GABRB1: variants seen among roughly 807,000 people sequenced by gnomAD.
GABRB1 encodes the protein gamma-aminobutyric acid type A receptor subunit beta1.
Under a neutral mutation model 51.6 loss-of-function variants are expected in GABRB1, and 17 were observed. The ratio of observed to expected loss-of-function variants is 0.33; its 90% confidence interval spans 0.23 to 0.49. The LOEUF is 0.49. GABRB1 is among the 20% of genes least tolerant of loss of function. The pLI is 0.99. For missense variants in GABRB1, 410 were observed against 600.6 expected, an observed-to-expected ratio of 0.68 and a Z score of 3.32; for synonymous variants, 247 against 218.9, an observed-to-expected ratio of 1.13 and a Z score of -1.14.
intron 3 of GABRB1, among the ~76,000 whole-genome samples, chr4:47,078,443 A>G (rs2109561011): frequency 6.6e-6 from 1 of 152,190 alleles, no homozygotes; most frequent in South Asian, 2.1e-4. Flanking sequence ...ATAACTTTTC[A>G]CCATTTTTAT....
At chr4:47,309,407 T>A (rs1462313413) in intron 4 of GABRB1, among the ~76,000 whole-genome samples, 1 of 152,202 alleles carries the variant, frequency 6.6e-6, no homozygotes, top group African/African-American at 2.4e-5. Context: ...GCTAATTAGC[T>A]GAAAATGACT....
intron 4 of GABRB1, among the ~76,000 whole-genome samples, chr4:47,283,510 C>T (rs1162333233): frequency 1.3e-5 from 2 of 150,196 alleles, no homozygotes; most frequent in African/African-American, 4.9e-5. Context: ...CTCAGCCTCC[C>T]GAGTAGCTGG....
intron 3 of GABRB1, among the ~76,000 whole-genome samples, chr4:47,140,535 G>T (rs986722104): frequency 6.6e-6 from 1 of 151,866 alleles, no homozygotes; most frequent in Non-Finnish European, 1.5e-5. Context: ...GATCACATTT[G>T]CCAGGTATGA....
intron 4 of GABRB1, among the ~76,000 whole-genome samples, chr4:47,185,604 T>A (rs966352748): frequency 5.3e-5 from 8 of 151,840 alleles, no homozygotes; most frequent in African/African-American, 1.9e-4. Flanking sequence ...AGCGATGGAA[T>A]CATTCAAAAC....
chr4:47,220,537 C>T (rs1010478084), intron 4 of GABRB1, among the ~76,000 whole-genome samples: 2 of 151,946 alleles, frequency 1.3e-5, no homozygotes, highest in East Asian at 1.9e-4. Context: ...TTTCTAATGC[C>T]TATCTTTTCT....
intron 4 of GABRB1, among the ~76,000 whole-genome samples, chr4:47,194,534 A>G (rs1719570464): frequency 6.6e-6 from 1 of 152,210 alleles, no homozygotes; most frequent in Admixed American, 6.5e-5. Flanking sequence ...ACTGAATTCT[A>G]ATAAAACCAT....
At chr4:47,299,790 C>G (rs1423322501) in intron 4 of GABRB1, among the ~76,000 whole-genome samples, 1 of 152,000 alleles carries the variant, frequency 6.6e-6, no homozygotes, top group Non-Finnish European at 1.5e-5. Flanking sequence ...CACATGCACA[C>G]GTATGTTTAT....
chr4:47,291,570 C>G (rs929034586), intron 4 of GABRB1, among the ~76,000 whole-genome samples: 2 of 152,194 alleles, frequency 1.3e-5, no homozygotes, highest in African/African-American at 4.8e-5. Context: ...CACTCAATGC[C>G]AGCCCATGAA....
intron 4 of GABRB1, among the ~76,000 whole-genome samples, chr4:47,232,998 C>T (rs562980460): frequency 6.6e-6 from 1 of 152,046 alleles, no homozygotes; most frequent in Non-Finnish European, 1.5e-5. Flanking sequence ...CCTCAGCCTC[C>T]GGAGTAGCTG....
rs144405207 is a variant in GABRB1, at chr4:47,148,932, G to A, written c.241-12317G>A. Among the ~76,000 whole-genome samples, 62 of 152,090 alleles carry A rather than the reference G, an allele frequency of 4.1e-4. 1 individual carries two copies. The highest frequency in any genetic ancestry group is 1.5e-3 in the African/African-American group (62 of 41,514). Reference sequence around the variant, plus strand: ...GCAACAGATAAAAGCTATGTCCTAGGAGGAAAACCTTTTGTGCTTGCGGCA... The same window carrying A: ...GCAACAGATAAAAGCTATGTCCTAGAAGGAAAACCTTTTGTGCTTGCGGCA... On this transcript the variant is annotated intron_variant, in intron 3 of 8. Transcript: ENST00000295454.
At chr4:47,418,102 A>G (rs1728986013) in intron 8 of GABRB1, among the ~76,000 whole-genome samples, 2 of 152,336 alleles carry the variant, frequency 1.3e-5, no homozygotes, top group South Asian at 2.1e-4. Context: ...CAGCCATCAC[A>G]TTATGTTCTC....
At chr4:47,255,089 C>A (rs925916995) in intron 4 of GABRB1, among the ~76,000 whole-genome samples, 1 of 152,144 alleles carries the variant, frequency 6.6e-6, no homozygotes, top group African/African-American at 2.4e-5. Context: ...CTCTGTATTT[C>A]AAAGATAATA....
chr4:47,301,092 A>G (rs1461886312), intron 4 of GABRB1, among the ~76,000 whole-genome samples: 2 of 152,154 alleles, frequency 1.3e-5, no homozygotes, highest in Non-Finnish European at 2.9e-5. Flanking sequence ...AAAAATCAGT[A>G]GAGGGAAGGA....
chr4:47,142,861 A>C (rs542360270), intron 3 of GABRB1, among the ~76,000 whole-genome samples: 1 of 151,850 alleles, frequency 6.6e-6, no homozygotes, highest in African/African-American at 2.4e-5. Context: ...CACTTGAATC[A>C]GTGATTTTCA....
intron 3 of GABRB1, among the ~76,000 whole-genome samples, chr4:47,140,502 A>C (rs932222095): frequency 1.3e-5 from 2 of 152,022 alleles, no homozygotes; most frequent in African/African-American, 4.8e-5. Context: ...TATCTGAAAA[A>C]AGGATAGAAT....
At chr4:47,266,397 G>T (rs1377191177) in intron 4 of GABRB1, among the ~76,000 whole-genome samples, 2 of 151,996 alleles carry the variant, frequency 1.3e-5, no homozygotes, top group South Asian at 2.1e-4. Flanking sequence ...GATTGTTTTG[G>T]CCATTTGGGC....
intron 3 of GABRB1, among the ~76,000 whole-genome samples, chr4:47,054,920 A>G (rs1329594068): frequency 6.6e-6 from 1 of 152,150 alleles, no homozygotes; most frequent in Non-Finnish European, 1.5e-5. Flanking sequence ...TTGTCATTTC[A>G]TAAGTCCTAT....
At chr4:47,123,632 AATATATTACATTATTT>A (rs1715929113) in intron 3 of GABRB1, among the ~76,000 whole-genome samples, 1 of 69,784 alleles carries the variant, frequency 1.4e-5, no homozygotes, top group Non-Finnish European at 2.4e-5. Context: ...TATATATTAT[AATATATTACATTATTT>A]TATATATATA....
intron 5 of GABRB1, among the ~76,000 whole-genome samples, chr4:47,379,970 G>GT (rs1253951282): frequency 1.3e-5 from 2 of 152,128 alleles, no homozygotes; most frequent in Non-Finnish European, 2.9e-5. Flanking sequence ...ATATGGTCAT[G>GT]TACGTAAAAG....
Sources: gnomAD v4.1 joint callset for allele counts (sites outside exome capture counted in the v4.1 genomes callset) on GRCh38, gnomAD v4.1.1 for gene constraint, MANE v1.5 for transcripts, NCBI Gene and HGNC (gene_info 2026-07-23, HGNC 2026-07-21) for gene names.